Variants in ITIH2 observed in about 807,000 individuals in gnomAD.
The protein encoded by ITIH2 is inter-alpha-trypsin inhibitor heavy chain 2, also known as inter-alpha-trypsin inhibitor heavy chain H2.
A neutral mutation model predicts 104.4 loss-of-function variants in ITIH2; 103 were observed. The observed-to-expected ratio is 0.99, with a 90% CI of 0.84 to 1.16. ITIH2 has a LOEUF of 1.16. ITIH2 is among the 50% of genes most tolerant of loss of function. The probability of loss-of-function intolerance (pLI) is 0.00; values close to 1 mark genes in which losing one functional copy is unlikely to be tolerated. For missense variants in ITIH2, 1,108 were observed against 1,162.4 expected (o/e 0.95, Z 0.68); for synonymous variants, 436 against 435.4 (o/e 1.00, Z -0.02).
chr10:7,710,533 T>G (rs1180062882), intron 4 of ITIH2, among the ~76,000 whole-genome samples: 5 of 152,224 alleles, frequency 3.3e-5, no homozygotes, highest in Non-Finnish European at 7.3e-5. Context: ...GGCTATTTTT[T>G]TTTTATGAAG....
At chr10:7,739,106 C>T (rs752210423) in intron 16 of ITIH2, among the ~76,000 whole-genome samples, 128 of 152,150 alleles carry the variant, frequency 8.4e-4, no homozygotes, top group Non-Finnish European at 1.4e-3. Context: ...TCTTTGCCCT[C>T]CGTTGTCAAT....
chr10:7,710,959 G>A (rs1467065304), intron 4 of ITIH2, among the ~76,000 whole-genome samples: 5 of 148,704 alleles, frequency 3.4e-5, no homozygotes, highest in Non-Finnish European at 5.9e-5. Flanking sequence ...TCTGGGATAC[G>A]TGTGCAGAAT....
At chr10:7,737,166 C>G (rs1349093755) in intron 15 of ITIH2, among the ~76,000 whole-genome samples, 1 of 151,126 alleles carries the variant, frequency 6.6e-6, no homozygotes, top group African/African-American at 2.4e-5. Flanking sequence ...TGCTTGTAAA[C>G]TAGGAGAAAA....
intron 11 of ITIH2, among the ~76,000 whole-genome samples, chr10:7,728,413 G>T (rs985433745): frequency 6.6e-5 from 10 of 152,224 alleles, no homozygotes; most frequent in Admixed American, 6.5e-4. Flanking sequence ...ACAGGGTCTT[G>T]CTCTGTCACC....
At chr10:7,745,855 T>A (rs1052959940) in intron 19 of ITIH2, among the ~76,000 whole-genome samples, 7 of 151,132 alleles carry the variant, frequency 4.6e-5, no homozygotes, top group Non-Finnish European at 8.9e-5. Flanking sequence ...CCCCGGTTCA[T>A]GCGATTCTCT....
chr10:7,744,691 G>A (rs1835158793), intron 18 of ITIH2, 100 bp from the exon 19 acceptor site: 2 of 958,366 alleles, frequency 2.1e-6, no homozygotes, highest in Admixed American at 2.8e-5. Flanking sequence ...TAGCGGAATT[G>A]TCTGGGAGGA....
intron 10 of ITIH2, 98 bp from the exon 11 acceptor site, chr10:7,727,605 G>A: frequency 7.2e-7 from 1 of 1,387,846 alleles, no homozygotes; most frequent in South Asian, 1.3e-5. Context: ...ATAAGTGATG[G>A]ATAAGTGATC....
In ITIH2 at chr10:7,744,853, T is replaced by C. The variant is rs1216219077; in HGVS notation, c.2471T>C (p.Phe824Ser). 5.0e-6 allele frequency: 8 copies of C among 1,614,112 alleles called. No individual in the cohort carries two copies. In the South Asian group the frequency reaches 8.8e-5, roughly 18 times the overall value. ...ATCACCCTGGATAAAGAGATGTCCTTTTCTGTTTTACTTCATCGTGTTTGG... is the reference window on the plus strand; with the variant it reads ...ATCACCCTGGATAAAGAGATGTCCTCTTCTGTTTTACTTCATCGTGTTTGG... ...VTITLDKEMS[F>S]SVLLHRVWKK... Residue 824 changes from phenylalanine (F) to serine (S), a missense_variant, in exon 19 of 21, where the codon TTT becomes TCT. By Grantham distance (155) the Phe-to-Ser change is radical (BLOSUM62 -2). Transcript: ENST00000358415.
chr10:7,738,443 A>T (rs1835092607), intron 15 of ITIH2, among the ~76,000 whole-genome samples, 178 bp from the exon 16 acceptor site: 1 of 150,438 alleles, frequency 6.6e-6, no homozygotes, highest in African/African-American at 2.5e-5. Context: ...ACTGTATCAC[A>T]GGCCTCCTCC....
At chr10:7,718,166 G>A (rs1834868498) in intron 6 of ITIH2, among the ~76,000 whole-genome samples, 1 of 152,122 alleles carries the variant, frequency 6.6e-6, no homozygotes, top group African/African-American at 2.4e-5. Context: ...TCTGGCAGCT[G>A]CCAGCCTTCC....
In ITIH2 at chr10:7,709,063, G is replaced by C; in HGVS notation, c.234G>C (p.Gln78His). The C allele has an allele frequency of 2.5e-6, 4 of 1,614,090 alleles. No individual in the cohort carries two copies. The highest frequency in any genetic ancestry group is 3.4e-6 in the Non-Finnish European group (4 of 1,179,978). ...DQVTLYSYKV[Q>H]STITSRMATT... The stretch of plus-strand genomic sequence containing the variant: ...TAACTCTTTATAGCTATAAAGTCCA[G>C]TCTACTATTACTTCTCGGATGGCCA... The change falls in exon 4 of 21, where the codon CAG (glutamine) becomes CAC (histidine). Residue 78 changes from glutamine to histidine, a missense_variant. Physicochemically the swap from Gln to His is conservative, Grantham distance 24. Coordinates refer to ENST00000358415, the MANE Select transcript of ITIH2 (RefSeq NM_002216.3).
rs190636568 is a variant in ITIH2 at position 7,724,034 on chromosome 10, T to C, written c.984+467T>C. Among the ~76,000 whole-genome samples the C allele has an allele frequency of 4.6e-3, 699 of 152,340 alleles. 6 individuals are homozygous for C. Among genetic ancestry groups the C allele is most frequent in the African/African-American group, 0.016 (661 of 41,574 alleles). On this transcript the variant is annotated intron_variant, in intron 9 of 20. Coordinates refer to ENST00000358415, the MANE Select transcript of ITIH2 (RefSeq NM_002216.3). ...ATACATATTATTTCTAATTATATGGTAATTGCTTGAGAGCAGCTATCCATC... is the reference window on the plus strand; with the variant it reads ...ATACATATTATTTCTAATTATATGGCAATTGCTTGAGAGCAGCTATCCATC...
At chr10:7,714,314 G>A (rs1446152550) in intron 5 of ITIH2, among the ~76,000 whole-genome samples, 1 of 152,054 alleles carries the variant, frequency 6.6e-6, no homozygotes, top group Admixed American at 6.5e-5. Flanking sequence ...TGGGACTACA[G>A]GCACCCATCA....
intron 4 of ITIH2, among the ~76,000 whole-genome samples, chr10:7,712,221 A>AAGAT (rs1479254760): frequency 1.3e-5 from 2 of 152,210 alleles, no homozygotes; most frequent in African/African-American, 4.8e-5. Flanking sequence ...GTCCGAGATC[A>AAGAT]AGATGCCCAA....
At chr10:7,737,238 T>C (rs73628429) in intron 15 of ITIH2, among the ~76,000 whole-genome samples, 15,884 of 150,848 alleles carry the variant, frequency 0.11, 888 homozygotes, top group Admixed American at 0.17. Context: ...TTTCAAACAG[T>C]CCATGCTCTC....
intron 17 of ITIH2, among the ~76,000 whole-genome samples, chr10:7,743,646 T>C (rs2130965941): frequency 6.6e-6 from 1 of 151,986 alleles, no homozygotes; most frequent in East Asian, 1.9e-4. Context: ...CCAGGCGTGG[T>C]GGTACACACC....
At position 7,729,995 on chromosome 10, in the gene ITIH2, C is replaced by A. The variant is rs71481738; in HGVS notation, c.1323C>A (p.Asn441Lys). Reference sequence around the variant, plus strand: ...AAATTCAGAAAAACGTTAAGGAGAACATCCAAGACAATATCTCCTTGTTCA... The same window carrying A: ...AAATTCAGAAAAACGTTAAGGAGAAAATCCAAGACAATATCTCCTTGTTCA... ...LSKIQKNVKE[N>K]IQDNISLFSL... is the part of the protein sequence containing the mutation. The change falls in exon 12 of 21, where the codon AAC becomes AAA. Residue 441 changes from asparagine to lysine, a missense_variant. By Grantham distance (94) the Asn-to-Lys change is moderately conservative. Transcript: ENST00000358415. 2.5e-6 allele frequency: 4 copies of A among 1,610,924 alleles called. No homozygotes were observed. The East Asian group carries it at 8.9e-5, about 36-fold the overall frequency.
Position 7,720,914 on chromosome 10 carries a change from T to G in ITIH2, c.689T>G (p.Phe230Cys), listed in dbSNP as rs1286089588. ...AGATTTCTTCATGTTCCCGACACATTTGAAGGCCATTTCGATGGTGTTCCG... is the reference window on the plus strand; with the variant it reads ...AGATTTCTTCATGTTCCCGACACATGTGAAGGCCATTTCGATGGTGTTCCG... ...GLRFLHVPDTFEGHFDGVPVI... is the reference protein window; with the variant it reads ...GLRFLHVPDTCEGHFDGVPVI... The change falls in exon 7 of 21, where the codon TTT (phenylalanine) becomes TGT (cysteine). Residue 230 changes from phenylalanine to cysteine, a missense_variant. Physicochemically the swap from Phe to Cys is radical, Grantham distance 205 (BLOSUM62 -2). Transcript: ENST00000358415. The G allele has an allele frequency of 1.2e-6, 2 of 1,613,816 alleles. No homozygotes were observed. Among genetic ancestry groups the G allele is most frequent in the Non-Finnish European group, 1.7e-6 (2 of 1,179,806 alleles).
At chr10:7,710,103 C>T (rs1009562470) in intron 4 of ITIH2, among the ~76,000 whole-genome samples, 1 of 152,208 alleles carries the variant, frequency 6.6e-6, no homozygotes, top group Non-Finnish European at 1.5e-5. Context: ...CTGCCCGCCT[C>T]GGCCTCCCAA....
Sources: gnomAD v4.1 joint callset for allele counts (sites outside exome capture counted in the v4.1 genomes callset) on GRCh38, gnomAD v4.1.1 for gene constraint, MANE v1.5 for transcripts, NCBI Gene and HGNC (gene_info 2026-07-23, HGNC 2026-07-21) for gene names.